The following B4GALNT2 variants were observed in gnomAD, a reference collection of about 807,000 sequenced individuals.
B4GALNT2 encodes the protein N-acetylneuraminylgalactosylglucosyl-glucoside beta-1,4-N- acetylgalactosaminyltransferase 2.
B4GALNT2 carries 42 observed loss-of-function variants against 51.1 expected under a neutral mutation model. That is an observed-to-expected ratio of 0.82 (90% CI 0.64 to 1.06). The LOEUF (loss-of-function observed/expected upper bound fraction) is 1.06, where lower values mean the gene tolerates loss of function less well. B4GALNT2 is among the 50% of genes least tolerant of loss of function. B4GALNT2 has a pLI of 0.00. For missense variants in B4GALNT2, 602 were observed against 633.6 expected (o/e 0.95, Z 0.54); for synonymous variants, 253 against 251.7 (o/e 1.01, Z -0.05).
intron 1 of B4GALNT2, among the ~76,000 whole-genome samples, chr17:49,135,945 T>C (rs895657532): frequency 6.6e-6 from 1 of 151,552 alleles, no homozygotes; most frequent in Admixed American, 6.6e-5. Context: ...TAGCCAGGTG[T>C]GGAGGTGCGT....
the B4GALNT2 span, among the ~76,000 whole-genome samples, chr17:49,124,758 G>A: frequency 6.6e-6 from 1 of 152,040 alleles, no homozygotes; most frequent in Non-Finnish European, 1.5e-5. Flanking sequence ...ATAAAGTAAA[G>A]ATTTTTATAA....
chr17:49,125,406 C>T, the B4GALNT2 span, among the ~76,000 whole-genome samples: 1 of 152,102 alleles, frequency 6.6e-6, no homozygotes, highest in Non-Finnish European at 1.5e-5. Context: ...GTGATCCTCC[C>T]GACTTGGCCT....
chr17:49,165,872 C>T (rs926183037), intron 8 of B4GALNT2, among the ~76,000 whole-genome samples: 5 of 152,110 alleles, frequency 3.3e-5, no homozygotes, highest in Non-Finnish European at 7.4e-5. Flanking sequence ...GACTTTCTAG[C>T]CTTTCTTTGT....
chr17:49,145,556 C>G (rs1041624650), intron 3 of B4GALNT2, among the ~76,000 whole-genome samples: 2 of 152,208 alleles, frequency 1.3e-5, no homozygotes, highest in African/African-American at 4.8e-5. Context: ...ACTACCCATT[C>G]TGTATTCCCC....
chr17:49,133,051 G>GA (rs769572559), intron 1 of B4GALNT2: 1 of 1,499,494 alleles, frequency 6.7e-7, no homozygotes, highest in Non-Finnish European at 8.8e-7. Flanking sequence ...TTTTCCGTGG[G>GA]AAAATTCCAC....
intron 3 of B4GALNT2, among the ~76,000 whole-genome samples, chr17:49,146,305 ACTT>A (rs1327558897): frequency 4.9e-4 from 74 of 151,482 alleles, no homozygotes; most frequent in African/African-American, 1.2e-3. Flanking sequence ...CCATTGCCGC[ACTT>A]CTTCTTCTTC....
chr17:49,160,734 G>A, intron 7 of B4GALNT2, 93 bp downstream of exon 7: 1 of 1,219,088 alleles, frequency 8.2e-7, no homozygotes, highest in Non-Finnish European at 1.2e-6. Context: ...GAGGAGAATT[G>A]ATCAAAATGA....
At chr17:49,169,203 A>T (rs571732518) in intron 10 of B4GALNT2, among the ~76,000 whole-genome samples, 36 of 151,784 alleles carry the variant, frequency 2.4e-4, no homozygotes, top group African/African-American at 7.3e-4. Flanking sequence ...TTTTTCAGAA[A>T]TCCTTTCCTA....
Position 49,172,076 on chromosome 17 carries a change from AT to A in B4GALNT2, c.*2350del, listed in dbSNP as rs1374101246. The A allele has an allele frequency of 4.5e-5, 13 of 288,868 alleles. No individual in the cohort carries two copies. Among genetic ancestry groups the A allele is most frequent in the Non-Finnish European group, 8.3e-5 (13 of 156,778 alleles). The allele number at this position is 288,868 out of a possible 1,614,324, so 17.9% of individuals were successfully genotyped here. A position where few individuals can be genotyped will look rare whatever the true frequency, so the allele number is the denominator to read the frequency against. ...GGTGATCACCACTATCATATCTATCATTAAATTACTCATTGTGACTGGTTGT... is the reference window on the plus strand; with the variant it reads ...GGTGATCACCACTATCATATCTATCATAAATTACTCATTGTGACTGGTTGT... On this transcript the variant is annotated 3_prime_UTR_variant, in exon 11 of 11. Transcript: ENST00000393354.
Position 49,164,021 on chromosome 17 carries a change from C to A in B4GALNT2, c.767-67C>A, listed in dbSNP as rs1598215377. ...TTATGGCAGAAAGAAGCCATCAGAT[C>A]AAAGCAGGAAAAGACAGTGAAGCTT... On this transcript the variant is annotated intron_variant, in intron 7 of 10. Transcript: ENST00000393354. The A allele has an allele frequency of 4.1e-6, 6 of 1,472,470 alleles. No individual in the cohort carries two copies. The East Asian group carries it at 1.4e-4, about 34-fold the overall frequency. The allele number at this position is 1,472,470 out of a possible 1,614,324, so 91.2% of individuals were successfully genotyped here. A position where few individuals can be genotyped will look rare whatever the true frequency, so the allele number is the denominator to read the frequency against.
At position 49,148,565 on chromosome 17, in the gene B4GALNT2, A is replaced by G. The variant is rs376110602; in HGVS notation, c.354-4235A>G. The G allele has an allele frequency of 7.9e-4, 330 of 419,968 alleles. 6 individuals carry two copies. Among genetic ancestry groups the G allele is most frequent in the African/African-American group, 5.9e-3 (291 of 48,910 alleles). 26.0% of individuals were successfully genotyped at this position (419,968 alleles called of 1,614,324 possible). On this transcript the variant is annotated intron_variant, in intron 3 of 10. Transcript: ENST00000393354. ...CAATCTCTGGGGGCAGATGGAGGTC[A>G]TCATGGAGATACTGGATACCCTTGT...
chr17:49,176,742 A>G lies in B4GALNT2; in HGVS notation c.*7014A>G, dbSNP rs2042991660. The G allele has an allele frequency of 1.3e-5, 2 of 152,236 alleles. No homozygotes were observed. The highest frequency in any genetic ancestry group is 2.9e-5 in the Non-Finnish European group (2 of 68,034). 9.4% of individuals were successfully genotyped at this position (152,236 alleles called of 1,614,324 possible). A position where few individuals can be genotyped will look rare whatever the true frequency, so the allele number is the denominator to read the frequency against. On this transcript the variant is annotated 3_prime_UTR_variant, in exon 11 of 11. Transcript: ENST00000393354. ...GCCTTTACAGTTTCTGTTTACCTGT[A>G]AACTTTTTCTTCCTGTGGCCTAGGG...
At chr17:49,133,132 C>T (rs755456102) in intron 1 of B4GALNT2, 60 of 1,525,716 alleles carry the variant, frequency 3.9e-5, no homozygotes, top group Admixed American at 5.0e-5. Context: ...CTCGGGAGTG[C>T]GGGCTTCGGG....
intron 7 of B4GALNT2, among the ~76,000 whole-genome samples, chr17:49,163,633 A>G (rs1232391859): frequency 2.0e-5 from 3 of 151,776 alleles, no homozygotes; most frequent in Middle Eastern, 3.2e-3. Flanking sequence ...GTGCATGCCT[A>G]TAATCCCAGC....
chr17:49,156,586 G>C lies in B4GALNT2; in HGVS notation c.481G>C (p.Asp161His). The C allele has an allele frequency of 6.2e-7, 1 of 1,613,648 alleles. No individual in the cohort carries two copies. The highest frequency in any genetic ancestry group is 8.5e-7 in the Non-Finnish European group (1 of 1,179,864). Residue 161 changes from aspartate (D) to histidine (H), a missense_variant, in exon 5 of 11, where the codon GAT becomes CAT. Coordinates refer to ENST00000393354, the MANE Select transcript of B4GALNT2 (RefSeq NM_001159387.2). Reference protein sequence around the residue: ...PIPGLQFEGPDAPVYEVTLTA... With the variant: ...PIPGLQFEGPHAPVYEVTLTA... Reference sequence around the variant, plus strand: ...TCCAGGCCTCCAGTTTGAAGGACCCGATGCCCCCGTCTATGAGGTGAGTCC... The same window carrying C: ...TCCAGGCCTCCAGTTTGAAGGACCCCATGCCCCCGTCTATGAGGTGAGTCC...
intron 3 of B4GALNT2, among the ~76,000 whole-genome samples, chr17:49,143,707 G>A (rs754612939): frequency 5.9e-5 from 9 of 152,234 alleles, no homozygotes; most frequent in Non-Finnish European, 1.2e-4. Flanking sequence ...TTTAGCTTAC[G>A]ATTCTGGAGG....
In B4GALNT2 at chr17:49,166,180, G is replaced by C. The variant is rs755687202; in HGVS notation, c.1021G>C (p.Asp341His). The C allele has an allele frequency of 6.2e-7, 1 of 1,614,082 alleles. No homozygotes were observed. The highest frequency in any genetic ancestry group is 8.5e-7 in the Non-Finnish European group (1 of 1,179,972). The change falls in exon 9 of 11, where the codon GAT (aspartate) becomes CAT (histidine). Residue 341 changes from aspartate to histidine, a missense_variant. By Grantham distance (81) the Asp-to-His change is moderately conservative. Transcript: ENST00000393354. ...VTTKYVLWVD[D>H]DFLFNEETKI... ...CACCAAATACGTTCTCTGGGTGGAC[G>C]ATGATTTTCTCTTCAACGAGGAGAC... is the stretch of plus-strand genomic sequence containing the variant.
chr17:49,165,798 C>A (rs2042906498), intron 8 of B4GALNT2, among the ~76,000 whole-genome samples: 1 of 152,044 alleles, frequency 6.6e-6, no homozygotes, highest in African/African-American at 2.4e-5. Flanking sequence ...AAAAGGAGAG[C>A]CATAGAAACT....
chr17:49,140,725 C>CTTTT lies in B4GALNT2; in HGVS notation c.15-510_15-507dup, dbSNP rs3086734. ...CTATGCTGACATTAACATTACTAAC[C>CTTTT]TTTTTTTTTTTTTTTGAGGAGTCTC... is the stretch of plus-strand genomic sequence containing the variant. On this transcript the variant is annotated intron_variant, in intron 1 of 10. Coordinates refer to ENST00000393354, the MANE Select transcript of B4GALNT2 (RefSeq NM_001159387.2). Among the ~76,000 whole-genome samples the CTTTT allele has an allele frequency of 2.6e-3, 339 of 131,708 alleles. 15 individuals are homozygous for CTTTT. The highest frequency in any genetic ancestry group is 7.8e-3 in the African/African-American group (271 of 34,576). 86.4% of individuals were successfully genotyped at this position (131,708 alleles called of 152,430 possible). A position where few individuals can be genotyped will look rare whatever the true frequency, so the allele number is the denominator to read the frequency against.
Sources: gnomAD v4.1 joint callset for allele counts (sites outside exome capture counted in the v4.1 genomes callset) on GRCh38, gnomAD v4.1.1 for gene constraint, MANE v1.5 for transcripts, NCBI Gene and HGNC (gene_info 2026-07-23, HGNC 2026-07-21) for gene names.